AGBL4: variants seen among roughly 807,000 people sequenced by gnomAD.
AGBL4 encodes cytosolic carboxypeptidase 6.
A neutral mutation model predicts 66.4 loss-of-function variants in AGBL4; 58 were observed. The observed-to-expected ratio is 0.87, with a 90% CI of 0.71 to 1.09. AGBL4 has a LOEUF of 1.09. AGBL4 is among the 50% of genes least tolerant of loss of function. The pLI is 0.00. For synonymous variants in AGBL4, 234 were observed against 222.9 expected (o/e 1.05, Z -0.44); for missense variants, 579 against 631.0 (o/e 0.92, Z 0.88).
At chr1:49,430,589 G>C (rs1258163765) in intron 3 of AGBL4, among the ~76,000 whole-genome samples, 1 of 152,164 alleles carries the variant, frequency 6.6e-6, no homozygotes, top group Non-Finnish European at 1.5e-5. Context: ...TGAAAGAGCA[G>C]AGTTAGAATA....
chr1:49,684,250 C>T (rs187017749), intron 3 of AGBL4, among the ~76,000 whole-genome samples: 1 of 152,280 alleles, frequency 6.6e-6, no homozygotes, highest in African/African-American at 2.4e-5. Context: ...ATATCAATCT[C>T]TCATTTCTTT....
intron 2 of AGBL4, among the ~76,000 whole-genome samples, chr1:49,796,808 ATAT>A (rs1644741768): frequency 1.3e-5 from 2 of 152,062 alleles, no homozygotes; most frequent in South Asian, 2.1e-4. Flanking sequence ...TAATGAGTAC[ATAT>A]TATTATTTCA....
At chr1:48,797,378 C>A (rs1386349920) in intron 6 of AGBL4, among the ~76,000 whole-genome samples, 3 of 152,150 alleles carry the variant, frequency 2.0e-5, no homozygotes, top group African/African-American at 7.2e-5. Context: ...CCCCATCCTA[C>A]CCTTTCTCCC....
At chr1:49,125,909 C>A (rs1325471120) in intron 4 of AGBL4, among the ~76,000 whole-genome samples, 1 of 152,078 alleles carries the variant, frequency 6.6e-6, no homozygotes, top group Non-Finnish European at 1.5e-5. Flanking sequence ...TAATTGTTTC[C>A]AGATTCATTT....
chr1:48,793,656 C>G (rs1203198698), intron 6 of AGBL4, among the ~76,000 whole-genome samples: 1 of 152,092 alleles, frequency 6.6e-6, no homozygotes, highest in Non-Finnish European at 1.5e-5. Context: ...CTGTTGCCAC[C>G]CATTGATAAA....
intron 1 of AGBL4, among the ~76,000 whole-genome samples, chr1:49,921,243 T>A (rs548611184): frequency 2.3e-4 from 34 of 149,118 alleles, no homozygotes; most frequent in Admixed American, 1.2e-3. Context: ...GTATAACTTT[T>A]AAAAAAAAGA....
chr1:49,968,592 T>C lies in AGBL4; in HGVS notation c.34+55171A>G, dbSNP rs531960312. Among the ~76,000 whole-genome samples the C allele has an allele frequency of 3.3e-4, 51 of 152,322 alleles. No homozygotes were observed. In the South Asian group the frequency reaches 0.011, roughly 32 times the overall value. On this transcript the variant is annotated intron_variant, in intron 1 of 13. Transcript: ENST00000371839. ...CTTGGATAGCATGCCTACTAAAATA[T>C]TTATTTCCCAGCCTCTACTGCAGCT... is the stretch of plus-strand genomic sequence containing the variant.
At chr1:48,857,810 A>T (rs1393657731) in intron 6 of AGBL4, among the ~76,000 whole-genome samples, 1 of 152,238 alleles carries the variant, frequency 6.6e-6, no homozygotes, top group Non-Finnish European at 1.5e-5. Context: ...CATAAACAGC[A>T]AAAGGAAAAA....
intron 3 of AGBL4, among the ~76,000 whole-genome samples, chr1:49,478,428 G>A (rs1480117569): frequency 6.6e-6 from 1 of 151,936 alleles, no homozygotes; most frequent in Admixed American, 6.6e-5. Flanking sequence ...TAGGCCAGGA[G>A]AGAAGCATGA....
intron 3 of AGBL4, among the ~76,000 whole-genome samples, chr1:49,483,511 T>C (rs896945378): frequency 1.3e-5 from 2 of 151,852 alleles, no homozygotes; most frequent in African/African-American, 4.8e-5. Flanking sequence ...AGACCCAGAA[T>C]AGCCAATAAG....
chr1:49,738,782 C>A (rs1408604172), intron 2 of AGBL4, among the ~76,000 whole-genome samples: 1 of 152,210 alleles, frequency 6.6e-6, no homozygotes, highest in African/African-American at 2.4e-5. Flanking sequence ...GCTGCTCATA[C>A]CCAGGCAAAC....
rs1167298 is a variant in AGBL4 at position 49,501,701 on chromosome 1, G to A, written c.282+195612C>T. On this transcript the variant is annotated intron_variant, in intron 3 of 13. Transcript: ENST00000371839. ...TCTAGTTCCTTGAGGTGTAATATTA[G>A]GTGTTTATTTGAGATTTTTCTTATT... Among the ~76,000 whole-genome samples, 460 of 151,388 alleles carry A rather than the reference G, an allele frequency of 3.0e-3. 2 individuals are homozygous for A. The highest frequency in any genetic ancestry group is 0.011 in the African/African-American group (437 of 41,270).
intron 11 of AGBL4, among the ~76,000 whole-genome samples, chr1:48,541,485 T>C (rs2148264658): frequency 6.6e-6 from 1 of 152,360 alleles, no homozygotes; most frequent in Admixed American, 6.5e-5. Flanking sequence ...TAGTAAATAA[T>C]AGCTGGGTGG....
In AGBL4 at chr1:49,285,359, G is replaced by A. The variant is rs575394751; in HGVS notation, c.283-39495C>T. Among the ~76,000 whole-genome samples the A allele has an allele frequency of 1.1e-4, 16 of 152,128 alleles. No homozygotes were observed. In the South Asian group the frequency reaches 1.5e-3, roughly 14 times the overall value. On this transcript the variant is annotated intron_variant, in intron 3 of 13. Coordinates refer to ENST00000371839, the MANE Select transcript of AGBL4 (RefSeq NM_032785.4). The stretch of plus-strand genomic sequence containing the variant: ...CACAACATACCATTATCTGTGGGAC[G>A]CATTCAGAGGAGTGTGTAGAGGGAA...
chr1:49,858,940 T>TG (rs1214908879), intron 1 of AGBL4, among the ~76,000 whole-genome samples: 1 of 143,226 alleles, frequency 7.0e-6, no homozygotes, highest in Non-Finnish European at 1.5e-5. Context: ...CACTTGAATC[T>TG]GGGAGGCAGA....
intron 1 of AGBL4, among the ~76,000 whole-genome samples, chr1:49,883,559 A>G (rs1376392093): frequency 6.6e-6 from 1 of 152,070 alleles, no homozygotes; most frequent in Non-Finnish European, 1.5e-5. Context: ...TGTATGACAT[A>G]ATGCTTGGCA....
intron 2 of AGBL4, among the ~76,000 whole-genome samples, chr1:49,792,221 C>A (rs953688221): frequency 2.0e-5 from 3 of 151,894 alleles, no homozygotes; most frequent in African/African-American, 7.3e-5. Flanking sequence ...TATGGATCAG[C>A]AACTTATAGA....
chr1:49,840,915 C>T (rs1036258393), intron 2 of AGBL4, among the ~76,000 whole-genome samples: 10 of 152,064 alleles, frequency 6.6e-5, no homozygotes, highest in East Asian at 1.9e-4. Context: ...AGGAATAAGC[C>T]GGAAGCATTC....
At chr1:48,988,098 T>A (rs1487245867) in intron 5 of AGBL4, among the ~76,000 whole-genome samples, 4 of 151,990 alleles carry the variant, frequency 2.6e-5, no homozygotes, top group African/African-American at 9.7e-5. Context: ...TCATTCCCCA[T>A]CCCAGGGGAA....
Sources: gnomAD v4.1 joint callset for allele counts (sites outside exome capture counted in the v4.1 genomes callset) on GRCh38, gnomAD v4.1.1 for gene constraint, MANE v1.5 for transcripts, NCBI Gene and HGNC (gene_info 2026-07-23, HGNC 2026-07-21) for gene names.